Variants in MSH3 observed in about 807,000 individuals in gnomAD.
The protein encoded by MSH3 is DNA mismatch repair protein Msh3.
MSH3 carries 106 observed loss-of-function variants against 123.3 expected under a neutral mutation model. The ratio of observed to expected loss-of-function variants is 0.86; its 90% CI spans 0.73 to 1.01. MSH3 has a LOEUF of 1.01. Among genes scored for constraint, MSH3 ranks in the 50% least tolerant of loss-of-function variants. The probability of loss-of-function intolerance (pLI) is 0.00; values close to 1 mark genes in which losing one functional copy is unlikely to be tolerated. For missense variants in MSH3, 1,459 were observed against 1,347.6 expected, an observed-to-expected ratio of 1.08 and a Z score of -1.29; for synonymous variants, 515 against 481.4, an observed-to-expected ratio of 1.07 and a Z score of -0.91.
At chr5:80,785,723 A>T (rs1744494383) in intron 17 of MSH3, among the ~76,000 whole-genome samples, 1 of 152,182 alleles carries the variant, frequency 6.6e-6, no homozygotes, top group Admixed American at 6.5e-5. Context: ...TCACAATAGC[A>T]AAGACTTGGA....
intron 21 of MSH3, among the ~76,000 whole-genome samples, chr5:80,863,610 G>T (rs1311294432): frequency 1.3e-5 from 2 of 151,610 alleles, no homozygotes; most frequent in African/African-American, 4.9e-5. Context: ...GGCGGAGCTT[G>T]CAGTGAGCCA....
chr5:80,768,394 G>C (rs1393879024), intron 14 of MSH3, among the ~76,000 whole-genome samples: 1 of 152,114 alleles, frequency 6.6e-6, no homozygotes, highest in Admixed American at 6.5e-5. Flanking sequence ...CCAAGCATTA[G>C]TAGTTTATTA....
intron 22 of MSH3, among the ~76,000 whole-genome samples, 159 bp downstream of exon 22, chr5:80,865,101 A>G (rs1055764288): frequency 2.0e-4 from 31 of 152,218 alleles, no homozygotes; most frequent in African/African-American, 7.0e-4. Flanking sequence ...CTTTAGGTCA[A>G]GTAGAATTTA....
At chr5:80,690,049 G>T (rs1421892685) in intron 8 of MSH3, among the ~76,000 whole-genome samples, 1 of 151,952 alleles carries the variant, frequency 6.6e-6, no homozygotes, top group East Asian at 1.9e-4. Flanking sequence ...TGTAGTCCTG[G>T]CTACTCAGGC....
Position 80,741,555 on chromosome 5 carries a change from C to T in MSH3, c.1653+7C>T. 1 of 1,586,096 alleles carries T rather than the reference C, an allele frequency of 6.3e-7. No homozygotes were observed. The highest frequency in any genetic ancestry group is 8.7e-7 in the Non-Finnish European group (1 of 1,154,484). ...GGAAATCCTACAGAATCAGGTCAGG[C>T]AAATACAAGGGCTAGTTGATTATAA... On this transcript the variant is annotated splice_region_variant and intron_variant, in intron 11 of 23. Coordinates refer to ENST00000265081, the MANE Select transcript of MSH3 (RefSeq NM_002439.5).
At chr5:80,674,645 CAAAT>C (rs1348616352) in intron 6 of MSH3, among the ~76,000 whole-genome samples, 1 of 152,102 alleles carries the variant, frequency 6.6e-6, no homozygotes, top group African/African-American at 2.4e-5. Flanking sequence ...AACTATGATC[CAAAT>C]AAATCAGAAG....
chr5:80,838,563 T>C (rs1262267889), intron 20 of MSH3, among the ~76,000 whole-genome samples: 1 of 152,226 alleles, frequency 6.6e-6, no homozygotes, highest in East Asian at 1.9e-4. Flanking sequence ...CATTAAATGA[T>C]TTACCTATAT....
At chr5:80,666,221 T>C (rs993459043) in intron 3 of MSH3, among the ~76,000 whole-genome samples, 6 of 152,194 alleles carry the variant, frequency 3.9e-5, no homozygotes, top group Admixed American at 6.5e-5. Context: ...GTCATTTTAA[T>C]CTGTAGCTGT....
chr5:80,840,977 A>C (rs1745611596), intron 20 of MSH3, among the ~76,000 whole-genome samples: 1 of 151,564 alleles, frequency 6.6e-6, no homozygotes, highest in African/African-American at 2.4e-5. Context: ...ACATATGTAT[A>C]CATGTGCCAT....
chr5:80,676,985 G>A (rs139742351), intron 7 of MSH3, among the ~76,000 whole-genome samples: 1 of 152,134 alleles, frequency 6.6e-6, no homozygotes, highest in Non-Finnish European at 1.5e-5. Context: ...CTTTACTTCA[G>A]CAACCACTTT....
chr5:80,676,170 A>C (rs1316690138), intron 7 of MSH3, among the ~76,000 whole-genome samples: 4 of 152,166 alleles, frequency 2.6e-5, no homozygotes, highest in African/African-American at 7.2e-5. Context: ...AGCTGGGACT[A>C]CAGTCACCCA....
chr5:80,764,815 C>T (rs978891331), intron 13 of MSH3, among the ~76,000 whole-genome samples: 2 of 152,154 alleles, frequency 1.3e-5, no homozygotes, highest in African/African-American at 4.8e-5. Flanking sequence ...AAAGGATAAT[C>T]GCACTTAGCA....
At chr5:80,808,867 A>ATATATATCTATATATATATC (rs1219139577) in intron 19 of MSH3, among the ~76,000 whole-genome samples, 2 of 124,250 alleles carry the variant, frequency 1.6e-5, no homozygotes, top group African/African-American at 3.2e-5. Flanking sequence ...TCATATATAT[A>ATATATATCTATATATATATC]TATATATATA....
chr5:80,689,418 T>G (rs2112826954), intron 8 of MSH3, among the ~76,000 whole-genome samples: 1 of 152,250 alleles, frequency 6.6e-6, no homozygotes, highest in Non-Finnish European at 1.5e-5. Context: ...GTTGTAAAAG[T>G]GAAAAAAGTC....
intron 20 of MSH3, among the ~76,000 whole-genome samples, chr5:80,826,757 C>A (rs1215161785): frequency 6.6e-6 from 1 of 152,092 alleles, no homozygotes; most frequent in South Asian, 2.1e-4. Context: ...CCACATTGGG[C>A]AAGCTGGTCT....
intron 12 of MSH3, among the ~76,000 whole-genome samples, chr5:80,754,061 A>G (rs1375867123): frequency 1.3e-5 from 2 of 152,178 alleles, no homozygotes; most frequent in African/African-American, 2.4e-5. Context: ...TGTTGTTTCA[A>G]TTCCATTGTA....
chr5:80,663,182 A>G lies in MSH3; in HGVS notation c.359-1961A>G, dbSNP rs932798454. ...GAGCCTGGGAGGTCAAGGTTGGAAA[A>G]AGAAAATGTATTGTTTTGAACGAAG... On this transcript the variant is annotated intron_variant, in intron 2 of 23. Transcript: ENST00000265081. Among the ~76,000 whole-genome samples, 16 of 152,194 alleles carry G rather than the reference A, an allele frequency of 1.1e-4. 1 individual carries two copies. The highest frequency in any genetic ancestry group is 3.9e-4 in the African/African-American group (16 of 41,450).
chr5:80,749,902 C>A (rs1254535977), intron 12 of MSH3, among the ~76,000 whole-genome samples: 2 of 152,128 alleles, frequency 1.3e-5, no homozygotes, highest in Non-Finnish European at 2.9e-5. Context: ...GACCACCAAT[C>A]TGATCTCTAC....
At chr5:80,725,230 AAAAG>A (rs1469969061) in intron 8 of MSH3, among the ~76,000 whole-genome samples, 4 of 151,446 alleles carry the variant, frequency 2.6e-5, no homozygotes, top group Non-Finnish European at 4.4e-5. Flanking sequence ...AAAAAAAAAA[AAAAG>A]ATAATAAAAA....
Sources: allele counts gnomAD v4.1 joint callset (sites outside exome capture counted in the v4.1 genomes callset), GRCh38; gene constraint gnomAD v4.1.1; transcripts MANE v1.5; gene names NCBI Gene and HGNC (gene_info 2026-07-23, HGNC 2026-07-21).